The following GABRB2 variants were observed in gnomAD, a reference collection of about 807,000 sequenced individuals.
The protein encoded by GABRB2 is gamma-aminobutyric acid receptor subunit beta-2.
In GABRB2, 16 loss-of-function variants were observed where a neutral mutation model predicts 54.7. That is an observed-to-expected ratio of 0.29 (90% confidence interval 0.20 to 0.44). GABRB2 has a LOEUF of 0.44. Ranked by LOEUF, GABRB2 falls within the 20% of genes least tolerant of loss-of-function variation. The pLI is 1.00. For missense variants in GABRB2, 355 were observed against 644.0 expected (o/e 0.55, Z 4.86); for synonymous variants, 244 against 233.8 (o/e 1.04, Z -0.40).
chr5:161,359,613 G>T, intron 5 of GABRB2, among the ~76,000 whole-genome samples: 1 of 152,142 alleles, frequency 6.6e-6, no homozygotes, highest in South Asian at 2.1e-4. Flanking sequence ...TTTACCATTT[G>T]CCAAACACTA....
intron 3 of GABRB2, among the ~76,000 whole-genome samples, chr5:161,496,119 G>A (rs1308754537): frequency 6.6e-6 from 1 of 152,090 alleles, no homozygotes; most frequent in Non-Finnish European, 1.5e-5. Flanking sequence ...ATGTGGCACA[G>A]GAAGAAAACT....
chr5:161,445,802 C>A (rs1408403321), intron 4 of GABRB2, among the ~76,000 whole-genome samples: 1 of 152,134 alleles, frequency 6.6e-6, no homozygotes, highest in Non-Finnish European at 1.5e-5. Context: ...GTCCATCTTA[C>A]ATGTATTAAT....
intron 4 of GABRB2, among the ~76,000 whole-genome samples, chr5:161,413,247 G>A (rs944196177): frequency 6.6e-6 from 1 of 151,982 alleles, no homozygotes; most frequent in African/African-American, 2.4e-5. Flanking sequence ...ATATTTGGAA[G>A]ATTATTTTAT....
At chr5:161,339,885 C>G (rs1754104994) in intron 5 of GABRB2, among the ~76,000 whole-genome samples, 1 of 151,888 alleles carries the variant, frequency 6.6e-6, no homozygotes, top group African/African-American at 2.4e-5. Flanking sequence ...TCAAAGAAAG[C>G]ATTTTTTTCC....
chr5:161,377,923 T>C (rs1755357283), intron 5 of GABRB2, among the ~76,000 whole-genome samples: 1 of 152,102 alleles, frequency 6.6e-6, no homozygotes, highest in Non-Finnish European at 1.5e-5. Flanking sequence ...TACATATTTG[T>C]ATGTATTTTT....
rs763357499 is a variant in GABRB2 at position 161,334,907 on chromosome 5, A to G, written c.680-3T>C. On this transcript the variant is annotated splice_polypyrimidine_tract_variant and splice_region_variant and intron_variant, in intron 6 of 9. Coordinates refer to ENST00000393959, the MANE Select transcript of GABRB2 (RefSeq NM_001371727.1). ...GAGGGATAACCTGGGATAGGAACCT[A>G]GAAAGGCAATTTTAGAACATCATCA... The G allele has an allele frequency of 6.2e-7, 1 of 1,613,508 alleles. No individual in the cohort carries two copies. The highest frequency in any genetic ancestry group is 8.5e-7 in the Non-Finnish European group (1 of 1,179,630).
chr5:161,540,088 CT>C (rs1255061628), intron 3 of GABRB2, among the ~76,000 whole-genome samples: 5 of 152,148 alleles, frequency 3.3e-5, no homozygotes, highest in African/African-American at 4.8e-5. Flanking sequence ...TGGACTCTTC[CT>C]TTCACAAAAG....
At chr5:161,444,210 C>A (rs758601024) in intron 4 of GABRB2, among the ~76,000 whole-genome samples, 9 of 152,092 alleles carry the variant, frequency 5.9e-5, no homozygotes, top group Non-Finnish European at 1.2e-4. Flanking sequence ...GAAGGATAGG[C>A]AAGATACTCC....
chr5:161,484,213 G>A (rs977854247), intron 3 of GABRB2, among the ~76,000 whole-genome samples: 2 of 151,892 alleles, frequency 1.3e-5, no homozygotes, highest in African/African-American at 4.8e-5. Flanking sequence ...AGCACTCCCA[G>A]ATTTAAAACA....
chr5:161,293,426 A>C lies in GABRB2; in HGVS notation c.*655T>G, dbSNP rs1757288669. On this transcript the variant is annotated 3_prime_UTR_variant, in exon 10 of 10. Coordinates refer to ENST00000393959, the MANE Select transcript of GABRB2 (RefSeq NM_001371727.1). ...GGCCACCATGCATGATATTGTCCAG[A>C]AGTCTCCTCATCTCTAAATGCCAAA... 6.6e-6 allele frequency: 1 copy of C among 152,064 alleles called. No individual in the cohort carries two copies. Among genetic ancestry groups the C allele is most frequent in the African/African-American group, 2.4e-5 (1 of 41,340 alleles). 9.4% of individuals were successfully genotyped at this position (152,064 alleles called of 1,614,324 possible). A position where few individuals can be genotyped will look rare whatever the true frequency, so the allele number is the denominator to read the frequency against.
At chr5:161,522,759 T>A (rs1760156137) in intron 3 of GABRB2, among the ~76,000 whole-genome samples, 1 of 151,588 alleles carries the variant, frequency 6.6e-6, no homozygotes, top group Admixed American at 6.6e-5. Context: ...GTTTAAAATC[T>A]GGGTGTCCTG....
chr5:161,388,064 A>G (rs1755701523), intron 5 of GABRB2, among the ~76,000 whole-genome samples: 1 of 152,146 alleles, frequency 6.6e-6, no homozygotes, highest in Non-Finnish European at 1.5e-5. Flanking sequence ...GTATCTTTCA[A>G]TTCCAAGTTG....
chr5:161,375,023 T>C (rs1481585053), intron 5 of GABRB2, among the ~76,000 whole-genome samples: 1 of 152,232 alleles, frequency 6.6e-6, no homozygotes, highest in East Asian at 1.9e-4. Context: ...TAACCATGTA[T>C]AGTTCAGCGT....
intron 3 of GABRB2, among the ~76,000 whole-genome samples, chr5:161,526,329 C>T (rs1366600433): frequency 1.3e-5 from 2 of 151,298 alleles, no homozygotes; most frequent in Non-Finnish European, 3.0e-5. Context: ...GTGATCAAGC[C>T]TCTGAATGTA....
chr5:161,539,519 A>G (rs895711180), intron 3 of GABRB2, among the ~76,000 whole-genome samples: 4 of 152,242 alleles, frequency 2.6e-5, no homozygotes, highest in East Asian at 1.9e-4. Context: ...TAGCCAAGTC[A>G]GAGAAACATG....
At chr5:161,467,518 T>G (rs1041470977) in intron 3 of GABRB2, among the ~76,000 whole-genome samples, 10 of 152,092 alleles carry the variant, frequency 6.6e-5, no homozygotes, top group African/African-American at 2.4e-4. Flanking sequence ...TGAATAAAAC[T>G]CCACAATTGT....
chr5:161,356,733 T>C (rs1754642115), intron 5 of GABRB2, among the ~76,000 whole-genome samples: 1 of 152,166 alleles, frequency 6.6e-6, no homozygotes, highest in Non-Finnish European at 1.5e-5. Context: ...ACAGGGCTCC[T>C]GAGCAAACCA....
intron 5 of GABRB2, among the ~76,000 whole-genome samples, chr5:161,337,576 T>C (rs1002228996): frequency 6.6e-6 from 1 of 152,102 alleles, no homozygotes; most frequent in African/African-American, 2.4e-5. Context: ...TGAGAGTCTA[T>C]ATAACAAAGA....
intron 3 of GABRB2, among the ~76,000 whole-genome samples, chr5:161,505,757 A>T (rs567251449): frequency 2.6e-5 from 4 of 152,290 alleles, no homozygotes; most frequent in South Asian, 4.1e-4. Context: ...TGATCTAAAA[A>T]GAAACTCTGC....
Sources: allele counts gnomAD v4.1 joint callset (sites outside exome capture counted in the v4.1 genomes callset), GRCh38; gene constraint gnomAD v4.1.1; transcripts MANE v1.5; gene names NCBI Gene and HGNC (gene_info 2026-07-23, HGNC 2026-07-21).